The following IFNAR2 variants were observed in gnomAD, a reference collection of about 807,000 sequenced individuals.
IFNAR2 encodes the protein interferon alpha and beta receptor subunit 2, also known as interferon alpha/beta receptor 2.
In IFNAR2, 30 loss-of-function variants were observed where a neutral mutation model predicts 49.4. The ratio of observed to expected loss-of-function variants is 0.61; its 90% CI spans 0.45 to 0.82. IFNAR2 has a LOEUF of 0.82. Among genes scored for constraint, IFNAR2 ranks in the 40% least tolerant of loss-of-function variants. IFNAR2 has a pLI of 0.00. For synonymous variants in IFNAR2, 224 were observed against 234.5 expected, an observed-to-expected ratio of 0.96 and a Z score of 0.41; for missense variants, 600 against 622.7, an observed-to-expected ratio of 0.96 and a Z score of 0.39.
At chr21:33,235,579 G>A (rs1021397875) in intron 1 of IFNAR2, among the ~76,000 whole-genome samples, 2 of 151,952 alleles carry the variant, frequency 1.3e-5, no homozygotes, top group African/African-American at 4.8e-5. Context: ...TTCTTCCACA[G>A]TCTCTCTCTC....
chr21:33,248,418 GAAAA>G (rs1157810770), intron 5 of IFNAR2, among the ~76,000 whole-genome samples: 1 of 150,904 alleles, frequency 6.6e-6, no homozygotes, highest in Non-Finnish European at 1.5e-5. Flanking sequence ...GAGAGAAAGA[GAAAA>G]GAAAGAAAGA....
chr21:33,236,286 C>T (rs944682329), intron 1 of IFNAR2, among the ~76,000 whole-genome samples: 5 of 152,124 alleles, frequency 3.3e-5, no homozygotes, highest in African/African-American at 1.2e-4. Flanking sequence ...CATGTACTTG[C>T]ACCTGACTTC....
At chr21:33,248,373 G>A (rs1024760784) in intron 5 of IFNAR2, among the ~76,000 whole-genome samples, 1 of 106,708 alleles carries the variant, frequency 9.4e-6, no homozygotes, top group Non-Finnish European at 1.7e-5. Flanking sequence ...AAGAAAGAAA[G>A]TTAGGGGGGA....
chr21:33,252,948 G>A, intron 7 of IFNAR2, 118 bp downstream of exon 7: 1 of 831,208 alleles, frequency 1.2e-6, no homozygotes, highest in South Asian at 1.4e-5. Flanking sequence ...CTTTCTTCCA[G>A]TAAACACCTC....
chr21:33,234,183 C>CTGTGTGTGTG (rs61686449), intron 1 of IFNAR2, among the ~76,000 whole-genome samples: 4,054 of 140,724 alleles, frequency 0.029, 75 homozygotes, highest in African/African-American at 0.044. Context: ...AACAGAAACA[C>CTGTGTGTGTG]TGTGTGTGTG....
rs1987065631 is a variant in IFNAR2 at position 33,242,767 on chromosome 21, GT to G, written c.55+791del. On this transcript the variant is annotated intron_variant, in intron 2 of 8. Transcript: ENST00000342136. ...AAAAAAATCTCGTGTGCGTGTGTGT[GT>G]GTGTGTGTGTGTGTGTGTGTGTGTG... Among the ~76,000 whole-genome samples the G allele has an allele frequency of 3.2e-4, 4 of 12,584 alleles. 1 individual carries two copies. Among genetic ancestry groups the G allele is most frequent in the South Asian group, 1.2e-3 (1 of 864 alleles). 8.3% of individuals were successfully genotyped at this position (12,584 alleles called of 152,430 possible). A position where few individuals can be genotyped will look rare whatever the true frequency, so the allele number is the denominator to read the frequency against.
intron 4 of IFNAR2, among the ~76,000 whole-genome samples, chr21:33,245,313 C>T (rs1987318182): frequency 6.6e-6 from 1 of 152,238 alleles, no homozygotes; most frequent in African/African-American, 2.4e-5. Flanking sequence ...TTGTATGTGT[C>T]ATCAAAGCCA....
In IFNAR2 at chr21:33,258,565, T is replaced by C. The variant is rs1397731320; in HGVS notation, c.710-2032T>C. Among the ~76,000 whole-genome samples the C allele has an allele frequency of 2.6e-5, 4 of 152,346 alleles. No homozygotes were observed. In the East Asian group the frequency reaches 7.7e-4, roughly 29 times the overall value. ...GAACTATTAATATAATATATTTATA[T>C]TGTTTTATGACACTAACTTTGCATC... On this transcript the variant is annotated intron_variant, in intron 7 of 8. Transcript: ENST00000342136.
Position 33,257,029 on chromosome 21 carries a change from G to T in IFNAR2, c.710-3568G>T, listed in dbSNP as rs17860263. Among the ~76,000 whole-genome samples the T allele has an allele frequency of 2.6e-5, 4 of 152,144 alleles. 1 individual carries two copies. Among genetic ancestry groups the T allele is most frequent in the Non-Finnish European group, 5.9e-5 (4 of 68,018 alleles). ...TATTGGTGGGGGCATCTTAGGAGAA[G>T]GGGAAAGAGGGAACAGGTAGGTACA... is the stretch of plus-strand genomic sequence containing the variant. On this transcript the variant is annotated intron_variant, in intron 7 of 8. Coordinates refer to ENST00000342136, the MANE Select transcript of IFNAR2 (RefSeq NM_001289125.3).
Position 33,262,909 on chromosome 21 carries a change from T to C in IFNAR2, c.957T>C (p.Asp319=), listed in dbSNP as rs1268712352. ...AGAAAGTGTGGGATTATAATTATGA[T>C]GATGAAAGTGATAGCGATACTGAGG... The part of the protein sequence containing the change: ...RKKKVWDYNY[D]DESDSDTEAA... Residue 319 remains aspartate, a synonymous_variant, in exon 9 of 9, where the codon GAT becomes GAC. Transcript: ENST00000342136. 2 of 1,614,020 alleles carry C rather than the reference T, an allele frequency of 1.2e-6. No individual in the cohort carries two copies. Among genetic ancestry groups the C allele is most frequent in the Non-Finnish European group, 1.7e-6 (2 of 1,180,036 alleles).
chr21:33,241,495 G>T (rs559828680), intron 1 of IFNAR2, among the ~76,000 whole-genome samples: 1 of 152,236 alleles, frequency 6.6e-6, no homozygotes, highest in East Asian at 1.9e-4. Context: ...GGTGGAACAG[G>T]GACTATACAT....
In IFNAR2 at chr21:33,246,810, C is replaced by G; in HGVS notation, c.314C>G (p.Ala105Gly). 6.2e-7 allele frequency: 1 copy of G among 1,614,026 alleles called. No homozygotes were observed. The highest frequency in any genetic ancestry group is 8.5e-7 in the Non-Finnish European group (1 of 1,179,878). The change falls in exon 5 of 9, where the codon GCC (alanine) becomes GGC (glycine). Residue 105 changes from alanine to glycine, a missense_variant. Physicochemically the swap from Ala to Gly is moderately conservative, Grantham distance 60. Transcript: ENST00000342136. The stretch of plus-strand genomic sequence containing the variant: ...GATGAGTGGAGAAGCACACACGAGG[C>G]CTATGTCACCGTCCTAGAAGGATTC... ...LTDEWRSTHEAYVTVLEGFSG... is the reference protein window; with the variant it reads ...LTDEWRSTHEGYVTVLEGFSG...
intron 6 of IFNAR2, chr21:33,251,820 C>G: frequency 2.1e-6 from 2 of 967,772 alleles, no homozygotes; most frequent in Non-Finnish European, 2.5e-6. Flanking sequence ...CAGTGGCTTA[C>G]GCCTGTAATC....
rs1327847014 is a variant in IFNAR2, at chr21:33,230,043, A to G, written c.-257A>G. ...GCGAGCCGAACAGTTCCCCGAGCGC[A>G]GCCCGCGGACCACCACCCGGCCGCA... On this transcript the variant is annotated 5_prime_UTR_variant, in exon 1 of 9. Transcript: ENST00000342136. This position sits in a 1 kb window ranked among gnomAD's most constrained non-coding sequence, Gnocchi z 5.5. The G allele has an allele frequency of 7.1e-6, 7 of 985,570 alleles. No homozygotes were observed. The highest frequency in any genetic ancestry group is 8.4e-6 in the Non-Finnish European group (7 of 830,002). The allele number at this position is 985,570 out of a possible 1,614,324, so 61.1% of individuals were successfully genotyped here.
chr21:33,233,589 C>T (rs1986219029), intron 1 of IFNAR2, among the ~76,000 whole-genome samples: 1 of 152,108 alleles, frequency 6.6e-6, no homozygotes, highest in Non-Finnish European at 1.5e-5. Flanking sequence ...TTCAGTGCAG[C>T]ACTAAATGCC....
chr21:33,230,381 T>C lies in IFNAR2; in HGVS notation c.-84+165T>C. ...TCCCTCTGCGTCTTGAGTATGCGGC[T>C]AGTGCGCCCTTCCTCTCTCCCGGGG... is the stretch of plus-strand genomic sequence containing the variant. On this transcript the variant is annotated intron_variant, in intron 1 of 8. Transcript: ENST00000342136. The surrounding 1 kb of genome is among the most constrained non-coding windows in gnomAD (Gnocchi z 5.5). 2 of 560,942 alleles carry C rather than the reference T, an allele frequency of 3.6e-6. No individual in the cohort carries two copies. Among genetic ancestry groups the C allele is most frequent in the East Asian group, 9.4e-5 (1 of 10,648 alleles). The allele number at this position is 560,942 out of a possible 1,614,324, so 34.7% of individuals were successfully genotyped here. A position where few individuals can be genotyped will look rare whatever the true frequency, so the allele number is the denominator to read the frequency against.
Position 33,262,774 on chromosome 21 carries a change from C to CTT in IFNAR2, c.841-5_841-4dup, listed in dbSNP as rs34865572. 3.1e-4 allele frequency: 435 copies of CTT among 1,412,500 alleles called. No homozygotes were observed. The highest frequency in any genetic ancestry group is 1.8e-3 in the African/African-American group (124 of 67,494). The allele number at this position is 1,412,500 out of a possible 1,614,324, so 87.5% of individuals were successfully genotyped here. A position where few individuals can be genotyped will look rare whatever the true frequency, so the allele number is the denominator to read the frequency against. ...TACAGCTGATACGGACTCTCTCTCT[C>CTT]TTTTTTTTTTTTTTTAAGAATTTTC... On this transcript the variant is annotated intron_variant, in intron 8 of 8. Coordinates refer to ENST00000342136, the MANE Select transcript of IFNAR2 (RefSeq NM_001289125.3).
In IFNAR2 at chr21:33,260,735, G is replaced by GT. The variant is rs1484278782; in HGVS notation, c.840+15dup. On this transcript the variant is annotated intron_variant, in intron 8 of 8. Transcript: ENST00000342136. ...AGCCTCCCCAAAGTCTTGGTAGGTA[G>GT]TTTTTTTGTTTTGTTTTGTTTTTTC... 4.1e-6 allele frequency: 6 copies of GT among 1,466,664 alleles called. No individual in the cohort carries two copies. Among genetic ancestry groups the GT allele is most frequent in the Non-Finnish European group, 5.4e-6 (6 of 1,108,208 alleles). 90.9% of individuals were successfully genotyped at this position (1,466,664 alleles called of 1,614,324 possible).
rs530146345 is a variant in IFNAR2 at position 33,262,970 on chromosome 21, C to G, written c.1018C>G (p.His340Asp). Reference sequence around the variant, plus strand: ...GACAAGTGGCGGTGGCTATACCATGCATGGACTGACTGTCAGGCCTCTGGG... The same window carrying G: ...GACAAGTGGCGGTGGCTATACCATGGATGGACTGACTGTCAGGCCTCTGGG... ...PRTSGGGYTM[H>D]GLTVRPLGQA... The change falls in exon 9 of 9, where the codon CAT becomes GAT. Residue 340 changes from histidine (H) to aspartate (D), a missense_variant. By Grantham distance (81) the His-to-Asp change is moderately conservative. Coordinates refer to ENST00000342136, the MANE Select transcript of IFNAR2 (RefSeq NM_001289125.3). The G allele has an allele frequency of 1.9e-6, 3 of 1,614,142 alleles. No homozygotes were observed. The highest frequency in any genetic ancestry group is 1.3e-5 in the African/African-American group (1 of 75,022).
Sources: allele counts gnomAD v4.1 joint callset (sites outside exome capture counted in the v4.1 genomes callset), GRCh38; gene constraint gnomAD v4.1.1; non-coding constraint Gnocchi (gnomAD v3.1); transcripts MANE v1.5; gene names NCBI Gene and HGNC (gene_info 2026-07-23, HGNC 2026-07-21).